NUP205: variants seen among roughly 807,000 people sequenced by gnomAD.
NUP205 encodes nucleoporin 205.
A neutral mutation model predicts 253.8 loss-of-function variants in NUP205; 76 were observed. That is an observed-to-expected ratio of 0.30 (90% CI 0.25 to 0.36). NUP205 has a LOEUF of 0.36. NUP205 is among the 10% of genes least tolerant of loss of function. The pLI is 1.00. For synonymous variants in NUP205, 832 were observed against 850.1 expected, an observed-to-expected ratio of 0.98 and a Z score of 0.37; for missense variants, 2,162 against 2,425.5, an observed-to-expected ratio of 0.89 and a Z score of 2.28.
Position 135,571,143 on chromosome 7 carries a change from A to G in NUP205, c.67A>G (p.Lys23Glu). 1 of 1,548,366 alleles carries G rather than the reference A, an allele frequency of 6.5e-7. No individual in the cohort carries two copies. The highest frequency in any genetic ancestry group is 1.4e-5 in the African/African-American group (1 of 70,826). The change falls in exon 2 of 43, where the codon AAA (lysine) becomes GAA (glutamate). Residue 23 changes from lysine (K) to glutamate (E), a missense_variant. By Grantham distance (56) the Lys-to-Glu change is moderately conservative. Around this residue, in one of 5 missense-constraint regions of NUP205, gnomAD observed 109 missense variants for 131.8 expected, o/e 0.83. Transcript: ENST00000285968. ...GGGTCCTTACAAAGACATTTGGCAT[A>G]AAGTGGGAAATGCTCTTTGGAGAAG... is the stretch of plus-strand genomic sequence containing the variant. ...LWGPYKDIWHKVGNALWRRQP... is the reference protein window; with the variant it reads ...LWGPYKDIWHEVGNALWRRQP...
intron 35 of NUP205, 100 bp downstream of exon 35, chr7:135,630,570 A>G: frequency 9.6e-7 from 1 of 1,042,910 alleles, no homozygotes; most frequent in South Asian, 1.7e-5. Flanking sequence ...TATATGACTT[A>G]TTTGAAATTG....
chr7:135,569,140 G>A (rs1452322287), intron 1 of NUP205, among the ~76,000 whole-genome samples: 1 of 152,068 alleles, frequency 6.6e-6, no homozygotes, highest in African/African-American at 2.4e-5. Flanking sequence ...GCACGATCTC[G>A]GCTCACTCCA....
chr7:135,590,952 A>G (rs1806614348), intron 10 of NUP205, among the ~76,000 whole-genome samples: 1 of 152,250 alleles, frequency 6.6e-6, no homozygotes, highest in Non-Finnish European at 1.5e-5. Flanking sequence ...GGTTTAAGGC[A>G]TAAGGAAGAA....
rs760387210 is a variant in NUP205, at chr7:135,587,974, G to C, written c.1455G>C (p.Gln485His). Residue 485 changes from glutamine (Q) to histidine (H), a missense_variant, in exon 10 of 43, where the codon CAG (glutamine) becomes CAC (histidine). Physicochemically the swap from Gln to His is conservative, Grantham distance 24 (BLOSUM62 0). This residue lies in a region of NUP205 where 892 missense variants were observed against 957.1 expected (regional missense o/e 0.93). Transcript: ENST00000285968. ...GCTCTTATCTAGGGGTGGCTCATCA[G>C]CGGCCCCCTCAACGCCAGGTGAGTC... is the stretch of plus-strand genomic sequence containing the variant. Reference protein sequence around the residue: ...IMGSYLGVAHQRPPQRQVVLS... With the variant: ...IMGSYLGVAHHRPPQRQVVLS... 1.9e-6 allele frequency: 3 copies of C among 1,613,332 alleles called. No homozygotes were observed. The South Asian group carries it at 3.3e-5, about 18-fold the overall frequency.
intron 10 of NUP205, among the ~76,000 whole-genome samples, chr7:135,589,643 G>A (rs977798568): frequency 6.6e-6 from 1 of 151,284 alleles, no homozygotes; most frequent in African/African-American, 2.4e-5. Flanking sequence ...TAAAAAATAC[G>A]TTTTGAGCCA....
chr7:135,591,635 T>A, intron 11 of NUP205, 35 bp downstream of exon 11: 1 of 1,589,238 alleles, frequency 6.3e-7, no homozygotes, highest in Non-Finnish European at 8.6e-7. Context: ...AAGTTTGTTG[T>A]TATACTCTTT....
At chr7:135,611,002 T>TC (rs371292354) in intron 22 of NUP205, among the ~76,000 whole-genome samples, 4,659 of 117,458 alleles carry the variant, frequency 0.04, 115 homozygotes, top group Middle Eastern at 0.077. Context: ...CCTTCTCTTC[T>TC]TTTTTTTTTT....
chr7:135,638,554 T>C lies in NUP205; in HGVS notation c.5266-3T>C, dbSNP rs774943536. The stretch of plus-strand genomic sequence containing the variant: ...CATTTTTGTTACTGTTTTTTGATTA[T>C]AGATTTGTGCCAATGTAATGGAATA... On this transcript the variant is annotated splice_region_variant and splice_polypyrimidine_tract_variant and intron_variant, in intron 37 of 42. Transcript: ENST00000285968. The C allele has an allele frequency of 1.1e-5, 17 of 1,612,996 alleles. No individual in the cohort carries two copies. Among genetic ancestry groups the C allele is most frequent in the Non-Finnish European group, 5.1e-6 (6 of 1,179,654 alleles).
At chr7:135,567,109 T>C (rs1805782217) in intron 1 of NUP205, among the ~76,000 whole-genome samples, 1 of 120,882 alleles carries the variant, frequency 8.3e-6, no homozygotes, top group Non-Finnish European at 1.7e-5. Flanking sequence ...ATTCTGTCTG[T>C]CTTGCTCAGT....
intron 18 of NUP205, 62 bp downstream of exon 18, chr7:135,603,056 C>A: frequency 2.5e-5 from 30 of 1,186,458 alleles, no homozygotes; most frequent in Admixed American, 9.5e-5. Context: ...CTTTGATTTT[C>A]AAATCTGGTT....
chr7:135,619,966 A>G (rs12533050), intron 30 of NUP205, 78 bp downstream of exon 30: 31,961 of 917,750 alleles, frequency 0.035, 687 homozygotes, highest in Middle Eastern at 0.078. Context: ...TCACTTCTCC[A>G]TCTTTTGACT....
chr7:135,604,067 T>C (rs1794029872), intron 18 of NUP205, among the ~76,000 whole-genome samples: 1 of 152,232 alleles, frequency 6.6e-6, no homozygotes, highest in Non-Finnish European at 1.5e-5. Flanking sequence ...GCCTCCTTAA[T>C]GACCTCGTCT....
At chr7:135,609,315 A>G (rs138419638) in intron 22 of NUP205, among the ~76,000 whole-genome samples, 1,592 of 151,948 alleles carry the variant, frequency 0.01, 31 homozygotes, top group African/African-American at 0.036. Context: ...CATCTCTACT[A>G]AAAATACAAA....
At chr7:135,603,061 C>A in intron 18 of NUP205, 67 bp downstream of exon 18, 1 of 1,174,854 alleles carries the variant, frequency 8.5e-7, no homozygotes, top group Non-Finnish European at 1.2e-6. Flanking sequence ...ATTTTCAAAT[C>A]TGGTTAGGTA....
At chr7:135,575,594 A>C (rs1195530906) in intron 3 of NUP205, among the ~76,000 whole-genome samples, 2 of 152,254 alleles carry the variant, frequency 1.3e-5, no homozygotes, top group Non-Finnish European at 2.9e-5. Flanking sequence ...CAGGAGTTCA[A>C]GACCAGCGTG....
intron 1 of NUP205, among the ~76,000 whole-genome samples, chr7:135,561,563 T>C (rs893801493): frequency 6.6e-6 from 1 of 152,266 alleles, no homozygotes; most frequent in African/African-American, 2.4e-5. Flanking sequence ...TTCAAATCTT[T>C]AACCTGCAAC....
intron 7 of NUP205, among the ~76,000 whole-genome samples, chr7:135,579,935 C>T (rs550184761): frequency 4.3e-4 from 65 of 152,268 alleles, no homozygotes; most frequent in Non-Finnish European, 7.6e-4. Flanking sequence ...TGTGAGCCAC[C>T]GCGCCTGACC....
At chr7:135,577,665 G>T in intron 5 of NUP205, 131 bp from the exon 6 acceptor site, 1 of 640,514 alleles carries the variant, frequency 1.6e-6, no homozygotes, top group Admixed American at 2.9e-5. Context: ...TTCCAGAGGT[G>T]ACGTCTTAGG....
In NUP205 at chr7:135,627,901, A is replaced by G. The variant is rs142695039; in HGVS notation, c.4794-72A>G. ...CAGCCGGCTCTGATTTATTTGCCAT[A>G]TCAGTGTTAAGGAATTGCCGAGAGT... is the stretch of plus-strand genomic sequence containing the variant. On this transcript the variant is annotated intron_variant, in intron 33 of 42. Coordinates refer to ENST00000285968, the MANE Select transcript of NUP205 (RefSeq NM_015135.3). 1.6e-4 allele frequency: 238 copies of G among 1,468,678 alleles called. No homozygotes were observed. The African/African-American group carries it at 2.9e-3, about 18-fold the overall frequency. The allele number at this position is 1,468,678 out of a possible 1,614,324, so 91.0% of individuals were successfully genotyped here.
Sources: gnomAD v4.1 joint callset for allele counts (sites outside exome capture counted in the v4.1 genomes callset) on GRCh38, gnomAD v4.1.1 for gene constraint, gnomAD v4.1.1 regional missense constraint, MANE v1.5 for transcripts, NCBI Gene and HGNC (gene_info 2026-07-23, HGNC 2026-07-21) for gene names.